Variants in CHCHD6 observed in about 807,000 individuals in gnomAD.
CHCHD6 encodes coiled-coil-helix-coiled-coil-helix domain containing 6.
In CHCHD6, 28 loss-of-function variants were observed where a neutral mutation model predicts 32.3. The ratio of observed to expected loss-of-function variants is 0.87; its 90% CI spans 0.64 to 1.19. The LOEUF (loss-of-function observed/expected upper bound fraction) is 1.19, where lower values mean the gene tolerates loss of function less well. Ranked by LOEUF, CHCHD6 falls within the 50% of genes most tolerant of loss-of-function variation. The pLI is 0.00. For synonymous variants in CHCHD6, 122 were observed against 117.5 expected, an observed-to-expected ratio of 1.04 and a Z score of -0.25; for missense variants, 333 against 307.0, an observed-to-expected ratio of 1.08 and a Z score of -0.63.
At chr3:126,808,434 T>G (rs1029296214) in intron 4 of CHCHD6, among the ~76,000 whole-genome samples, 1 of 152,166 alleles carries the variant, frequency 6.6e-6, no homozygotes, top group African/African-American at 2.4e-5. Flanking sequence ...GAGGGCTGTG[T>G]TACTCAAGAA....
intron 5 of CHCHD6, among the ~76,000 whole-genome samples, chr3:126,907,206 T>G (rs1161202445): frequency 6.6e-6 from 1 of 152,196 alleles, no homozygotes; most frequent in African/African-American, 2.4e-5. Context: ...TTGCATTGAC[T>G]GTAGTCAGGG....
chr3:126,737,414 A>ATG (rs1936097128), intron 4 of CHCHD6, among the ~76,000 whole-genome samples: 1 of 147,950 alleles, frequency 6.8e-6, no homozygotes, highest in Non-Finnish European at 1.5e-5. Flanking sequence ...ATATATATAT[A>ATG]TATATGCACA....
At chr3:126,956,796 T>C (rs1270696885) in intron 6 of CHCHD6, among the ~76,000 whole-genome samples, 2 of 152,176 alleles carry the variant, frequency 1.3e-5, no homozygotes, top group Admixed American at 6.5e-5. Context: ...AAATAGTAAA[T>C]TACCCCCAAA....
intron 6 of CHCHD6, among the ~76,000 whole-genome samples, chr3:126,937,740 CT>C (rs2078501857): frequency 6.6e-6 from 1 of 152,146 alleles, no homozygotes; most frequent in East Asian, 1.9e-4. Context: ...GCTCTGTAGG[CT>C]TTGTATCCTC....
intron 1 of CHCHD6, among the ~76,000 whole-genome samples, chr3:126,704,992 T>A (rs1334759459): frequency 6.6e-6 from 1 of 151,990 alleles, no homozygotes; most frequent in Admixed American, 6.6e-5. Flanking sequence ...GGACTGCATC[T>A]CGTGCCATTT....
intron 6 of CHCHD6, among the ~76,000 whole-genome samples, chr3:126,927,906 C>G (rs963932452): frequency 6.6e-6 from 1 of 152,350 alleles, no homozygotes; most frequent in African/African-American, 2.4e-5. Flanking sequence ...GTTATTTGCG[C>G]CTTGAGGGAG....
intron 5 of CHCHD6, among the ~76,000 whole-genome samples, chr3:126,857,089 A>C (rs1323736941): frequency 6.6e-6 from 1 of 151,918 alleles, no homozygotes; most frequent in Non-Finnish European, 1.5e-5. Context: ...CTCCACATCA[A>C]TTTAAGTCTG....
chr3:126,789,883 A>G (rs1317557864), intron 4 of CHCHD6, among the ~76,000 whole-genome samples: 1 of 135,806 alleles, frequency 7.4e-6, no homozygotes, highest in Non-Finnish European at 1.5e-5. Context: ...TTAGCTGATT[A>G]TTTTGCTCGT....
At chr3:126,843,113 A>G (rs902333361) in intron 4 of CHCHD6, among the ~76,000 whole-genome samples, 4 of 152,146 alleles carry the variant, frequency 2.6e-5, no homozygotes, top group African/African-American at 9.7e-5. Context: ...CTAGTTTTCT[A>G]AAAGTTTTCT....
intron 1 of CHCHD6, among the ~76,000 whole-genome samples, chr3:126,710,154 T>A (rs1001738571): frequency 1.3e-5 from 2 of 152,234 alleles, no homozygotes; most frequent in Admixed American, 1.3e-4. Context: ...TCTAAATCGA[T>A]GTTTGCTTCA....
intron 4 of CHCHD6, among the ~76,000 whole-genome samples, chr3:126,785,002 C>T (rs2107682716): frequency 6.6e-6 from 1 of 152,226 alleles, no homozygotes; most frequent in Middle Eastern, 3.4e-3. Context: ...CTTCTATTCT[C>T]CTTGTGATTA....
At chr3:126,829,460 G>T (rs937956733) in intron 4 of CHCHD6, among the ~76,000 whole-genome samples, 4 of 151,756 alleles carry the variant, frequency 2.6e-5, no homozygotes, top group African/African-American at 9.7e-5. Context: ...CCTTTAGAGG[G>T]TTGTTTTTTA....
chr3:126,959,976 A>T (rs2078837107), intron 7 of CHCHD6, among the ~76,000 whole-genome samples: 1 of 152,140 alleles, frequency 6.6e-6, no homozygotes, highest in Non-Finnish European at 1.5e-5. Context: ...TTCTGGTGTC[A>T]CTGTCGTGTG....
chr3:126,865,592 C>A lies in CHCHD6; in HGVS notation c.495+12862C>A, dbSNP rs1022351695. 10 of 985,276 alleles carry A rather than the reference C, an allele frequency of 1.0e-5. No homozygotes were observed. The African/African-American group carries it at 1.7e-4, about 17-fold the overall frequency. 61.0% of individuals were successfully genotyped at this position (985,276 alleles called of 1,614,324 possible). A position where few individuals can be genotyped will look rare whatever the true frequency, so the allele number is the denominator to read the frequency against. On this transcript the variant is annotated intron_variant, in intron 5 of 7. Transcript: ENST00000290913. ...TCTGCTTCTCCCTCTTCCTCTACCA[C>A]CTCCACACCTTCACTGCTACCACCA...
chr3:126,781,428 A>C (rs984933656), intron 4 of CHCHD6, among the ~76,000 whole-genome samples: 7 of 152,226 alleles, frequency 4.6e-5, no homozygotes, highest in Non-Finnish European at 8.8e-5. Context: ...GTAGAACTAG[A>C]TCCCTGAAGT....
chr3:126,770,485 T>C (rs1937523983), intron 4 of CHCHD6, among the ~76,000 whole-genome samples: 1 of 152,228 alleles, frequency 6.6e-6, no homozygotes, highest in Non-Finnish European at 1.5e-5. Context: ...ATAGCTCTTA[T>C]TTTCAAGTAT....
At chr3:126,786,926 T>G (rs978595381) in intron 4 of CHCHD6, among the ~76,000 whole-genome samples, 43 of 152,252 alleles carry the variant, frequency 2.8e-4, no homozygotes, top group Non-Finnish European at 5.4e-4. Context: ...TGGTATTGCC[T>G]ATGTTTTCTT....
At chr3:126,850,817 C>G (rs1271556501) in intron 4 of CHCHD6, among the ~76,000 whole-genome samples, 4 of 152,154 alleles carry the variant, frequency 2.6e-5, no homozygotes, top group African/African-American at 9.7e-5. Flanking sequence ...CGCTGAGAGG[C>G]CCAGCGCAGA....
intron 4 of CHCHD6, among the ~76,000 whole-genome samples, chr3:126,764,462 C>T (rs1423851630): frequency 1.3e-5 from 2 of 152,058 alleles, no homozygotes; most frequent in African/African-American, 4.8e-5. Flanking sequence ...GGATTTAACC[C>T]ATTCGGAAGT....
Sources: gnomAD v4.1 joint callset for allele counts (sites outside exome capture counted in the v4.1 genomes callset) on GRCh38, gnomAD v4.1.1 for gene constraint, MANE v1.5 for transcripts, NCBI Gene and HGNC (gene_info 2026-07-23, HGNC 2026-07-21) for gene names.